The following MGST1 variants were observed in gnomAD, a reference collection of about 807,000 sequenced individuals.
MGST1 encodes microsomal glutathione S-transferase 1.
Under a neutral mutation model 8.9 loss-of-function variants are expected in MGST1, and 5 were observed. That is an observed-to-expected ratio of 0.56 (90% CI 0.29 to 1.19). The LOEUF is 1.19. MGST1 is among the 50% of genes most tolerant of loss of function. The probability of loss-of-function intolerance (pLI) is 0.08; values close to 1 mark genes in which losing one functional copy is unlikely to be tolerated. For synonymous variants in MGST1, 54 were observed against 67.8 expected (o/e 0.80, Z 1.00); for missense variants, 182 against 187.4 (o/e 0.97, Z 0.17).
At chr12:16,448,222 A>G (rs571998246) in intron 4 of MGST1, among the ~76,000 whole-genome samples, 1 of 152,072 alleles carries the variant, frequency 6.6e-6, no homozygotes, top group African/African-American at 2.4e-5. Context: ...TTGTCCTTCA[A>G]ATTAACAAAT....
At position 16,497,179 on chromosome 12, in the gene MGST1, A is replaced by T. The variant is rs1941476158; in HGVS notation, n.483-92349A>T. 6.6e-6 allele frequency among the ~76,000 whole-genome samples: 1 copy of T among 152,144 alleles called. No homozygotes were observed. Among genetic ancestry groups the T allele is most frequent in the African/African-American group, 2.4e-5 (1 of 41,440 alleles). ...GAATCAAATGTTTGGCATTTTAGGA[A>T]ATTTCTTCTCAAGGGCTAGTCTTGA... On this transcript the variant is annotated intron_variant and non_coding_transcript_variant, in intron 4 of 4. Transcript: ENST00000538857. This position sits in a 1 kb window ranked among gnomAD's most constrained non-coding sequence, Gnocchi z 4.4.
intron 4 of MGST1, among the ~76,000 whole-genome samples, chr12:16,493,606 C>T (rs1017209427): frequency 6.6e-6 from 1 of 152,098 alleles, no homozygotes; most frequent in African/African-American, 2.4e-5. Flanking sequence ...TAATAGTAAT[C>T]AGAGAAGTAT....
intron 4 of MGST1, among the ~76,000 whole-genome samples, chr12:16,484,287 T>C (rs1941384379): frequency 1.3e-5 from 2 of 152,216 alleles, no homozygotes; most frequent in Non-Finnish European, 2.9e-5. Context: ...AGCTAGGATT[T>C]GCTAACATGA....
intron 4 of MGST1, among the ~76,000 whole-genome samples, chr12:16,485,699 A>G (rs1941395250): frequency 6.6e-6 from 1 of 152,226 alleles, no homozygotes; most frequent in Admixed American, 6.5e-5. Flanking sequence ...GGACATTAGA[A>G]TATTATTAGA....
At chr12:16,493,305 G>GT (rs1452272562) in intron 4 of MGST1, among the ~76,000 whole-genome samples, 2 of 151,966 alleles carry the variant, frequency 1.3e-5, no homozygotes, top group South Asian at 2.1e-4. Context: ...TTTTTTGTTT[G>GT]TTTTTTACGT....
At chr12:16,372,936 TTTATA>T (rs1300049446) in intron 3 of MGST1, among the ~76,000 whole-genome samples, 4 of 143,984 alleles carry the variant, frequency 2.8e-5, no homozygotes, top group African/African-American at 7.8e-5. Context: ...TATTGTATAT[TTTATA>T]TTATATATTA....
chr12:16,439,528 G>T (rs962409972), downstream of MGST1, among the ~76,000 whole-genome samples: 3 of 151,752 alleles, frequency 2.0e-5, no homozygotes, highest in African/African-American at 7.2e-5. Flanking sequence ...TTGCCCTAGA[G>T]CATTGATTGT....
At chr12:16,509,979 C>A (rs1412134984) in intron 4 of MGST1, among the ~76,000 whole-genome samples, 1 of 152,084 alleles carries the variant, frequency 6.6e-6, no homozygotes, top group Non-Finnish European at 1.5e-5. Flanking sequence ...CTCAACTATA[C>A]CAGATGAAAT....
intron 4 of MGST1, among the ~76,000 whole-genome samples, chr12:16,446,146 C>A (rs986354209): frequency 1.5e-4 from 23 of 151,942 alleles, no homozygotes; most frequent in Admixed American, 1.2e-3. Context: ...CTAACTTTGA[C>A]ATTTTGGGTC....
chr12:16,518,717 T>C (rs898142405), intron 4 of MGST1, among the ~76,000 whole-genome samples: 4 of 152,162 alleles, frequency 2.6e-5, no homozygotes, highest in Non-Finnish European at 5.9e-5. Flanking sequence ...AATTATCGGT[T>C]TTGTTTTGGT....
At chr12:16,387,546 A>G (rs1268488363) in intron 1 of MGST1, among the ~76,000 whole-genome samples, 1 of 134,748 alleles carries the variant, frequency 7.4e-6, no homozygotes, top group African/African-American at 2.8e-5. Flanking sequence ...TTTTTTTTTG[A>G]GATGGAGTCT....
chr12:16,488,622 ATTT>A (rs1941415878), intron 4 of MGST1, among the ~76,000 whole-genome samples: 1 of 152,130 alleles, frequency 6.6e-6, no homozygotes, highest in South Asian at 2.1e-4. Flanking sequence ...TCTATAGCAC[ATTT>A]TTATTTTGAA....
intron 4 of MGST1, chr12:16,573,981 G>A (rs1213211030): frequency 2.6e-5 from 4 of 152,080 alleles, no homozygotes; most frequent in Non-Finnish European, 4.4e-5. Context: ...TGGAGTCCGT[G>A]CCCCTCAGAG....
intron 4 of MGST1, chr12:16,514,120 A>G: frequency 2.7e-6 from 1 of 369,624 alleles, no homozygotes; most frequent in Non-Finnish European, 5.2e-6. Flanking sequence ...GACATGGCCT[A>G]CCAAGGCTTT....
intron 4 of MGST1, among the ~76,000 whole-genome samples, chr12:16,461,592 T>G (rs955723052): frequency 2.6e-5 from 4 of 152,142 alleles, no homozygotes; most frequent in Non-Finnish European, 4.4e-5. Context: ...AAGAGTCTGT[T>G]TCTAAATAAA....
At chr12:16,397,661 G>A (rs1244514181) in intron 1 of MGST1, among the ~76,000 whole-genome samples, 1 of 151,572 alleles carries the variant, frequency 6.6e-6, no homozygotes, top group Non-Finnish European at 1.5e-5. Flanking sequence ...ATACACGAAT[G>A]GCCAACAAAC....
downstream of MGST1, among the ~76,000 whole-genome samples, chr12:16,591,289 A>AATGTCCTT (rs1207191270): frequency 1.3e-5 from 2 of 151,888 alleles, no homozygotes; most frequent in Non-Finnish European, 2.9e-5. The surrounding 1 kb of genome is among the most constrained non-coding windows in gnomAD (Gnocchi z 4.1). Context: ...CTGAGCCCAG[A>AATGTCCTT]ATGTCCTTCC....
At chr12:16,487,267 AAAAC>A in intron 4 of MGST1, among the ~76,000 whole-genome samples, 1 of 152,340 alleles carries the variant, frequency 6.6e-6, no homozygotes, top group East Asian at 1.9e-4. Context: ...TAGGTTTTGC[AAAAC>A]AAACAAAAAA....
chr12:16,417,111 A>G (rs1940793640), intron 1 of MGST1, among the ~76,000 whole-genome samples: 1 of 152,146 alleles, frequency 6.6e-6, no homozygotes, highest in Admixed American at 6.5e-5. Context: ...TCATGCTGCT[A>G]TGAAAAAATA....
Sources: allele counts gnomAD v4.1 joint callset (sites outside exome capture counted in the v4.1 genomes callset), GRCh38; gene constraint gnomAD v4.1.1; non-coding constraint Gnocchi (gnomAD v3.1); transcripts MANE v1.5; gene names NCBI Gene and HGNC (gene_info 2026-07-23, HGNC 2026-07-21).